Variants in GLDN observed in about 807,000 individuals in gnomAD.
The protein encoded by GLDN is collomin.
A neutral mutation model predicts 56.5 loss-of-function variants in GLDN; 47 were observed. The ratio of observed to expected loss-of-function variants is 0.83; its 90% confidence interval spans 0.66 to 1.06. The LOEUF is 1.06. GLDN is among the 50% of genes least tolerant of loss of function. GLDN has a pLI of 0.00. For synonymous variants in GLDN, 332 were observed against 278.8 expected (o/e 1.19, Z -1.90); for missense variants, 782 against 714.3 (o/e 1.09, Z -1.08).
intron 1 of GLDN, among the ~76,000 whole-genome samples, chr15:51,372,589 G>A (rs544231449): frequency 2.1e-3 from 325 of 152,180 alleles, no homozygotes; most frequent in African/African-American, 7.7e-3. Context: ...AGCGTGGCTG[G>A]GTTGGACTTT....
chr15:51,397,569 A>G lies in GLDN; in HGVS notation c.788A>G (p.Gln263Arg). 2 of 1,602,316 alleles carry G rather than the reference A, an allele frequency of 1.2e-6. No homozygotes were observed. Among genetic ancestry groups the G allele is most frequent in the Admixed American group, 3.4e-5 (2 of 59,252 alleles). Reference sequence around the variant, plus strand: ...AGCAGAAGAGCCAAAGGCCCTCGGCAGCCAAGCATGTTCAACGGCCAGTGC... The same window carrying G: ...AGCAGAAGAGCCAAAGGCCCTCGGCGGCCAAGCATGTTCAACGGCCAGTGC... ...PGSRRAKGPRQPSMFNGQCPG... is the reference protein window; with the variant it reads ...PGSRRAKGPRRPSMFNGQCPG... Residue 263 changes from glutamine to arginine, a missense_variant, in exon 6 of 10, where the codon CAG becomes CGG. Transcript: ENST00000335449.
intron 1 of GLDN, among the ~76,000 whole-genome samples, chr15:51,346,528 C>A (rs1280373700): frequency 1.3e-5 from 2 of 152,158 alleles, no homozygotes; most frequent in African/African-American, 4.8e-5. Flanking sequence ...ATGTGTATAA[C>A]AAGCTCTAAA....
intron 4 of GLDN, chr15:51,385,114 C>T (rs957614869): frequency 5.9e-5 from 9 of 152,180 alleles, no homozygotes; most frequent in Non-Finnish European, 1.5e-5. Flanking sequence ...ATTGGAATTA[C>T]ACAGCAGCAA....
At chr15:51,401,553 G>A (rs1326255576) in intron 8 of GLDN, 40 bp from the exon 9 acceptor site, 1 of 1,584,634 alleles carries the variant, frequency 6.3e-7, no homozygotes, top group Admixed American at 1.7e-5. Flanking sequence ...TGTGATTGCT[G>A]GAGGTAGGTA....
Position 51,365,736 on chromosome 15 carries a change from G to A in GLDN, c.364-11713G>A, listed in dbSNP as rs531123132. On this transcript the variant is annotated intron_variant, in intron 1 of 9. Transcript: ENST00000335449. The stretch of plus-strand genomic sequence containing the variant: ...TGGGCATTTTGGGAACGGATTGGAC[G>A]TTTTTCATTTTCATGCAGTCAAATC... 5.3e-5 allele frequency among the ~76,000 whole-genome samples: 8 copies of A among 152,238 alleles called. No homozygotes were observed. In the South Asian group the frequency reaches 1.0e-3, roughly 20 times the overall value.
At chr15:51,387,870 G>A (rs542216569) in intron 4 of GLDN, among the ~76,000 whole-genome samples, 8 of 152,254 alleles carry the variant, frequency 5.3e-5, no homozygotes, top group African/African-American at 1.7e-4. Context: ...TAAGGTCTCC[G>A]TACACTCAGC....
chr15:51,404,572 G>T lies in GLDN; in HGVS notation c.1474G>T (p.Val492Phe). The T allele has an allele frequency of 1.2e-6, 2 of 1,614,144 alleles. No individual in the cohort carries two copies. Among genetic ancestry groups the T allele is most frequent in the Non-Finnish European group, 1.7e-6 (2 of 1,180,024 alleles). Residue 492 changes from valine to phenylalanine, a missense_variant, in exon 10 of 10, where the codon GTC becomes TTC. Val to Phe is a conservative substitution (Grantham distance 50). Coordinates refer to ENST00000335449, the MANE Select transcript of GLDN (RefSeq NM_181789.4). ...TGTCACAGACACCAAAGATATGAGG[G>T]TCACATTTGCCTTTGATTTGTTAGG... is the stretch of plus-strand genomic sequence containing the variant. ...LYVTDTKDMR[V>F]TFAFDLLGGK... is the part of the protein sequence containing the mutation.
chr15:51,380,088 G>A (rs1057334295), intron 2 of GLDN, among the ~76,000 whole-genome samples: 6 of 152,148 alleles, frequency 3.9e-5, no homozygotes, highest in Non-Finnish European at 8.8e-5. Flanking sequence ...GGGGCAAGGA[G>A]TACAGAGGAC....
chr15:51,398,057 T>C (rs568408567), intron 6 of GLDN, among the ~76,000 whole-genome samples: 15 of 152,376 alleles, frequency 9.8e-5, no homozygotes, highest in African/African-American at 3.6e-4. Context: ...TATTTAATTC[T>C]CACAACAATC....
intron 1 of GLDN, among the ~76,000 whole-genome samples, chr15:51,349,990 GC>G (rs2037047403): frequency 6.6e-6 from 1 of 152,052 alleles, no homozygotes; most frequent in Non-Finnish European, 1.5e-5. Flanking sequence ...TGATCTGCCC[GC>G]CTCAGCCTCC....
At chr15:51,400,302 A>C in intron 7 of GLDN, 27 bp downstream of exon 7, 1 of 1,614,190 alleles carries the variant, frequency 6.2e-7, no homozygotes, top group Admixed American at 1.7e-5. Flanking sequence ...TCCTGTCTTG[A>C]AATTCAGAAA....
chr15:51,360,996 G>T (rs12148492), intron 1 of GLDN, among the ~76,000 whole-genome samples: 23,458 of 152,212 alleles, frequency 0.15, 2,220 homozygotes, highest in Admixed American at 0.24. Flanking sequence ...GGTTAACTAT[G>T]ATTTCTGACT....
intron 4 of GLDN, chr15:51,384,368 G>A: frequency 5.1e-6 from 1 of 196,050 alleles, no homozygotes; most frequent in African/African-American, 2.4e-5. Flanking sequence ...TGCTTGAGTG[G>A]AAAGGCAGCA....
At chr15:51,393,643 G>A (rs544812049) in intron 4 of GLDN, among the ~76,000 whole-genome samples, 9 of 152,250 alleles carry the variant, frequency 5.9e-5, no homozygotes, top group Admixed American at 1.3e-4. Context: ...AATTCTAGCC[G>A]TCTCCTTCTC....
At chr15:51,408,561 T>A (rs945906221), downstream of GLDN, among the ~76,000 whole-genome samples, 1 of 152,212 alleles carries the variant, frequency 6.6e-6, no homozygotes, top group Non-Finnish European at 1.5e-5. Flanking sequence ...TTTTATACTT[T>A]AAGTTCTAGT....
intron 4 of GLDN, chr15:51,384,214 G>GC: frequency 2.8e-6 from 1 of 354,608 alleles, no homozygotes; most frequent in Non-Finnish European, 5.2e-6. Context: ...GACAGCTGGT[G>GC]CTGGTGCATG....
intron 2 of GLDN, among the ~76,000 whole-genome samples, chr15:51,378,137 G>C (rs1292926944): frequency 6.6e-6 from 1 of 152,176 alleles, no homozygotes; most frequent in African/African-American, 2.4e-5. Flanking sequence ...AGTGCAATGT[G>C]AGTTTGCTGA....
chr15:51,357,416 C>T (rs1027888036), intron 1 of GLDN, among the ~76,000 whole-genome samples: 2 of 152,266 alleles, frequency 1.3e-5, no homozygotes, highest in Middle Eastern at 3.4e-3. Flanking sequence ...AACACTGGAC[C>T]CCTTTCACTT....
At chr15:51,342,111 G>C in intron 1 of GLDN, 64 bp downstream of exon 1, 7 of 1,572,314 alleles carry the variant, frequency 4.5e-6, no homozygotes, top group Non-Finnish European at 6.0e-6. Context: ...TGTGGGGCGA[G>C]GACGCCGACG....
Sources: allele counts gnomAD v4.1 joint callset (sites outside exome capture counted in the v4.1 genomes callset), GRCh38; gene constraint gnomAD v4.1.1; transcripts MANE v1.5; gene names NCBI Gene and HGNC (gene_info 2026-07-23, HGNC 2026-07-21).